The following ZBTB2 variants were observed in gnomAD, a reference collection of about 807,000 sequenced individuals.
ZBTB2 encodes zinc finger and BTB domain containing 2.
ZBTB2 carries 2 observed loss-of-function variants against 39.5 expected under a neutral mutation model. The ratio of observed to expected loss-of-function variants is 0.05; its 90% CI spans 0.02 to 0.16. ZBTB2 has a LOEUF of 0.16. Ranked by LOEUF, ZBTB2 falls within the 10% of genes least tolerant of loss-of-function variation. The probability of loss-of-function intolerance (pLI) is 1.00; values close to 1 mark genes in which losing one functional copy is unlikely to be tolerated. For synonymous variants in ZBTB2, 251 were observed against 256.6 expected (o/e 0.98, Z 0.21); for missense variants, 391 against 653.0 (o/e 0.60, Z 4.37).
intron 1 of ZBTB2, among the ~76,000 whole-genome samples, chr6:151,386,248 T>TA (rs1779145640): frequency 6.6e-6 from 1 of 152,088 alleles, no homozygotes; most frequent in African/African-American, 2.4e-5. Context: ...ACGGCAAAAT[T>TA]AAAAAATTAA....
intron 1 of ZBTB2, among the ~76,000 whole-genome samples, chr6:151,384,198 C>T (rs397978810): frequency 2.6e-5 from 4 of 152,230 alleles, no homozygotes; most frequent in Non-Finnish European, 5.9e-5. Context: ...CACAATAACC[C>T]GGAAGGGTAG....
At chr6:151,387,758 AT>A (rs1287074857) in intron 1 of ZBTB2, among the ~76,000 whole-genome samples, 6 of 152,220 alleles carry the variant, frequency 3.9e-5, no homozygotes, top group Non-Finnish European at 4.4e-5. Flanking sequence ...ACTCAAAGGC[AT>A]GTGATGCATA....
intron 1 of ZBTB2, among the ~76,000 whole-genome samples, chr6:151,375,363 A>G (rs116384534): frequency 0.014 from 2,154 of 152,274 alleles, 54 homozygotes; most frequent in African/African-American, 0.049. Context: ...AAAGAAATAA[A>G]GGATCTAAAT....
At chr6:151,373,829 T>C (rs953364686) in intron 1 of ZBTB2, among the ~76,000 whole-genome samples, 180 bp from the exon 2 acceptor site, 5 of 127,796 alleles carry the variant, frequency 3.9e-5, no homozygotes, top group Non-Finnish European at 6.2e-5. Flanking sequence ...GAAGTAGTTA[T>C]GTCATTATGC....
At position 151,383,166 on chromosome 6, in the gene ZBTB2, C is replaced by T. The variant is rs1355487691; in HGVS notation, c.-13+8254G>A. Among the ~76,000 whole-genome samples, 4 of 152,070 alleles carry T rather than the reference C, an allele frequency of 2.6e-5. No homozygotes were observed. The East Asian group carries it at 5.8e-4, about 22-fold the overall frequency. On this transcript the variant is annotated intron_variant, in intron 1 of 2. Coordinates refer to ENST00000325144, the MANE Select transcript of ZBTB2 (RefSeq NM_020861.3). ...TGAACTCCTGACTTCGTGATCCACC[C>T]GCCTCGGCCTCCCAAAGTGCTGGGA...
At chr6:151,367,690 A>G (rs1251436624) in intron 2 of ZBTB2, among the ~76,000 whole-genome samples, 1 of 152,260 alleles carries the variant, frequency 6.6e-6, no homozygotes, top group Non-Finnish European at 1.5e-5. Flanking sequence ...TTAGAGAATC[A>G]AAACAATCCT....
intron 1 of ZBTB2, among the ~76,000 whole-genome samples, chr6:151,387,864 C>T (rs1438985437): frequency 6.6e-6 from 1 of 152,166 alleles, no homozygotes; most frequent in Non-Finnish European, 1.5e-5. Flanking sequence ...GGGCTGCCAA[C>T]TCCTTGTAAG....
rs372880958 is a variant in ZBTB2 at position 151,366,927 on chromosome 6, T to A, written c.174-35A>T. The stretch of plus-strand genomic sequence containing the variant: ...ACAAGTAAAAAAATACGTGAGTAAA[T>A]GCCAGTCTAGGTGTTAACATAAAGC... On this transcript the variant is annotated intron_variant, in intron 2 of 2. Transcript: ENST00000325144. This position sits in a 1 kb window ranked among gnomAD's most constrained non-coding sequence, Gnocchi z 7.1. 4 of 1,566,006 alleles carry A rather than the reference T, an allele frequency of 2.6e-6. No individual in the cohort carries two copies. Among genetic ancestry groups the A allele is most frequent in the African/African-American group, 1.4e-5 (1 of 73,438 alleles).
At chr6:151,377,535 ATTTTTTTTT>A (rs769474299) in intron 1 of ZBTB2, among the ~76,000 whole-genome samples, 2 of 103,448 alleles carry the variant, frequency 1.9e-5, no homozygotes, top group Admixed American at 1.0e-4. Context: ...TGTCTGGCTA[ATTTTTTTTT>A]TTTTTTTTTT....
intron 1 of ZBTB2, among the ~76,000 whole-genome samples, chr6:151,377,153 G>T (rs1410333320): frequency 6.6e-6 from 1 of 150,630 alleles, no homozygotes; most frequent in African/African-American, 2.5e-5. Flanking sequence ...CAGATTAGTG[G>T]TGGGGGGGGT....
At chr6:151,374,980 C>CGTG (rs1778876362) in intron 1 of ZBTB2, among the ~76,000 whole-genome samples, 1 of 147,050 alleles carries the variant, frequency 6.8e-6, no homozygotes, top group Admixed American at 6.8e-5. Flanking sequence ...ATTAGCTGGG[C>CGTG]GTGGTGGCAG....
chr6:151,391,242 C>T (rs962432665), intron 1 of ZBTB2, among the ~76,000 whole-genome samples, 178 bp downstream of exon 1: 4 of 151,732 alleles, frequency 2.6e-5, no homozygotes, highest in East Asian at 2.0e-4. Context: ...CCGGGCCTTC[C>T]GCCTGCCTGC....
chr6:151,387,629 G>A (rs1007658927), intron 1 of ZBTB2, among the ~76,000 whole-genome samples: 1 of 152,152 alleles, frequency 6.6e-6, no homozygotes, highest in East Asian at 1.9e-4. Flanking sequence ...CTGTTTAAGA[G>A]AACAGTACAC....
chr6:151,378,387 G>C (rs1778962427), intron 1 of ZBTB2, among the ~76,000 whole-genome samples: 1 of 152,172 alleles, frequency 6.6e-6, no homozygotes, highest in Admixed American at 6.5e-5. Context: ...AGATGGTATG[G>C]ATCAGTTTCC....
chr6:151,366,938 G>A lies in ZBTB2; in HGVS notation c.174-46C>T, dbSNP rs759576801. ...AATACGTGAGTAAATGCCAGTCTAG[G>A]TGTTAACATAAAGCCTGAAGAAAAA... On this transcript the variant is annotated intron_variant, in intron 2 of 2. Coordinates refer to ENST00000325144, the MANE Select transcript of ZBTB2 (RefSeq NM_020861.3). The surrounding 1 kb of genome is among the most constrained non-coding windows in gnomAD (Gnocchi z 7.1). The A allele has an allele frequency of 1.4e-5, 21 of 1,531,578 alleles. No individual in the cohort carries two copies. The highest frequency in any genetic ancestry group is 8.9e-5 in the South Asian group (7 of 78,478). The allele number at this position is 1,531,578 out of a possible 1,614,324, so 94.9% of individuals were successfully genotyped here. A position where few individuals can be genotyped will look rare whatever the true frequency, so the allele number is the denominator to read the frequency against.
intron 1 of ZBTB2, among the ~76,000 whole-genome samples, chr6:151,380,623 T>C (rs557848276): frequency 0.016 from 2,496 of 152,276 alleles, 61 homozygotes; most frequent in African/African-American, 0.057. Context: ...CCTCAGGGAC[T>C]CAGTGGCTTA....
At chr6:151,370,741 T>G (rs1225028092) in intron 2 of ZBTB2, among the ~76,000 whole-genome samples, 1 of 152,156 alleles carries the variant, frequency 6.6e-6, no homozygotes, top group Non-Finnish European at 1.5e-5. Context: ...GGCAGCAGTG[T>G]GTCATGCCCC....
chr6:151,368,554 A>G (rs1778702269), intron 2 of ZBTB2, among the ~76,000 whole-genome samples: 1 of 150,838 alleles, frequency 6.6e-6, no homozygotes, highest in African/African-American at 2.4e-5. Context: ...CCCTCGTCCA[A>G]GTGATTCTCC....
chr6:151,371,333 T>TA (rs1490776147), intron 2 of ZBTB2, among the ~76,000 whole-genome samples: 4 of 152,248 alleles, frequency 2.6e-5, no homozygotes, highest in East Asian at 3.9e-4. Flanking sequence ...GGTACACACA[T>TA]AACAACATAG....
Sources: gnomAD v4.1 joint callset for allele counts (sites outside exome capture counted in the v4.1 genomes callset) on GRCh38, gnomAD v4.1.1 for gene constraint, Gnocchi (gnomAD v3.1) non-coding constraint, MANE v1.5 for transcripts, NCBI Gene and HGNC (gene_info 2026-07-23, HGNC 2026-07-21) for gene names.